Variants in GATA4 observed in about 807,000 individuals in gnomAD.
GATA4 encodes transcription factor GATA-4.
A neutral mutation model predicts 37.9 loss-of-function variants in GATA4; 7 were observed. The observed-to-expected ratio is 0.18, with a 90% confidence interval of 0.11 to 0.35. The LOEUF (loss-of-function observed/expected upper bound fraction) is 0.35. Ranked by LOEUF, GATA4 falls within the 10% of genes least tolerant of loss-of-function variation. The pLI, the probability that GATA4 is intolerant of heterozygous loss-of-function variation, is 1.00. For missense variants in GATA4, 647 were observed against 653.0 expected (o/e 0.99, Z 0.10); for synonymous variants, 372 against 292.6 (o/e 1.27, Z -2.77).
chr8:11,741,114 G>T (rs934102227), intron 2 of GATA4, among the ~76,000 whole-genome samples: 1 of 152,200 alleles, frequency 6.6e-6, no homozygotes, highest in African/African-American at 2.4e-5. Context: ...CTGGGAGTCT[G>T]CATGTTTAGT....
chr8:11,757,161 G>A, intron 6 of GATA4, 78 bp downstream of exon 6: 1 of 1,578,938 alleles, frequency 6.3e-7, no homozygotes, highest in Non-Finnish European at 8.6e-7. Flanking sequence ...CCTAGTACTG[G>A]GTGGGACTTG....
chr8:11,681,474 C>A (rs1798968871), intron 1 of GATA4: 2 of 956,546 alleles, frequency 2.1e-6, no homozygotes, highest in African/African-American at 4.3e-5. Flanking sequence ...CCGGTCCCCG[C>A]GCGGGGTGCG....
At chr8:11,734,567 A>T (rs921624080) in intron 2 of GATA4, among the ~76,000 whole-genome samples, 2 of 151,902 alleles carry the variant, frequency 1.3e-5, no homozygotes, top group African/African-American at 2.4e-5. Context: ...GCTCACTGCA[A>T]CCTCCGCCTC....
At chr8:11,716,477 A>G (rs1385076465) in intron 2 of GATA4, among the ~76,000 whole-genome samples, 1 of 152,232 alleles carries the variant, frequency 6.6e-6, no homozygotes, top group African/African-American at 2.4e-5. Flanking sequence ...AAGGCAGATC[A>G]AAACCATCCT....
At chr8:11,704,088 C>G (rs1474745788), upstream of GATA4, 1 of 152,390 alleles carries the variant, frequency 6.6e-6, no homozygotes, top group Non-Finnish European at 1.5e-5. Context: ...AGCCTGCGCC[C>G]AGCGGAGGTG....
chr8:11,744,037 G>C (rs1360708711), intron 2 of GATA4, among the ~76,000 whole-genome samples: 2 of 152,220 alleles, frequency 1.3e-5, no homozygotes. Flanking sequence ...CTGAGTACAA[G>C]TGAACGCGGT....
intron 1 of GATA4, among the ~76,000 whole-genome samples, chr8:11,679,184 G>GGA (rs1377945336): frequency 6.7e-6 from 1 of 148,178 alleles, no homozygotes; most frequent in Non-Finnish European, 1.5e-5. Flanking sequence ...AATTGCGGGG[G>GGA]GGGGCACTTT....
chr8:11,681,521 C>T, intron 1 of GATA4: 1 of 926,636 alleles, frequency 1.1e-6, no homozygotes, highest in Non-Finnish European at 1.3e-6. Flanking sequence ...GGGGTCGGTC[C>T]CTCTCGGGAA....
chr8:11,724,436 C>G (rs1458191144), intron 2 of GATA4, among the ~76,000 whole-genome samples: 1 of 152,204 alleles, frequency 6.6e-6, no homozygotes, highest in East Asian at 1.9e-4. Flanking sequence ...GGCATCTTTA[C>G]ATCTGTCAGT....
intron 2 of GATA4, among the ~76,000 whole-genome samples, chr8:11,747,361 T>G (rs138229122): frequency 8.5e-5 from 13 of 152,104 alleles, no homozygotes; most frequent in Non-Finnish European, 1.3e-4. Context: ...TCTGTAGACA[T>G]GGATGATAAA....
At chr8:11,713,688 A>T (rs1001163688) in intron 2 of GATA4, among the ~76,000 whole-genome samples, 3 of 152,144 alleles carry the variant, frequency 2.0e-5, no homozygotes, top group African/African-American at 7.2e-5. Context: ...TGTGTTAGTG[A>T]AGGTGAGCAG....
chr8:11,757,647 C>T (rs2130351743), intron 6 of GATA4, among the ~76,000 whole-genome samples: 1 of 152,292 alleles, frequency 6.6e-6, no homozygotes, highest in East Asian at 1.9e-4. Context: ...GTGGGGAGGT[C>T]ACAGGCAGGA....
At position 11,706,282 on chromosome 8, in the gene GATA4, T is replaced by A. The variant is rs149060255; in HGVS notation, c.-457-1574T>A. Among the ~76,000 whole-genome samples the A allele has an allele frequency of 5.4e-3, 815 of 152,326 alleles. 13 individuals are homozygous for A. The highest frequency in any genetic ancestry group is 0.018 in the African/African-American group (763 of 41,574). The stretch of plus-strand genomic sequence containing the variant: ...AAATGGTGAAAAGCATTATGTAGTG[T>A]GTATTAAAGATTCCATTTCCAGATT... On this transcript the variant is annotated intron_variant, in intron 1 of 6. Transcript: ENST00000532059.
intron 2 of GATA4, among the ~76,000 whole-genome samples, chr8:11,713,846 A>G (rs1014971061): frequency 6.6e-6 from 1 of 152,162 alleles, no homozygotes; most frequent in Non-Finnish European, 1.5e-5. Context: ...CAGGGCTAGG[A>G]TAGGATCTGC....
rs59033070 is a variant in GATA4 at position 11,686,216 on chromosome 8, G to GTT, written c.-274+9165_-274+9166dup. On this transcript the variant is annotated intron_variant, in intron 1 of 6. Transcript: ENST00000528712. ...CTTCAAAAGATCTTGTACTGGGTCTGTTTTTTTTTTTTTAATCTTAATGTA... is the reference window on the plus strand; with the variant it reads ...CTTCAAAAGATCTTGTACTGGGTCTGTTTTTTTTTTTTTTTAATCTTAATGTA... 9.2e-3 allele frequency among the ~76,000 whole-genome samples: 1,330 copies of GTT among 144,852 alleles called. 21 individuals carry two copies. The highest frequency in any genetic ancestry group is 0.032 in the African/African-American group (1,272 of 39,436).
At chr8:11,682,930 C>A in intron 1 of GATA4, 1 of 335,598 alleles carries the variant, frequency 3.0e-6, no homozygotes, top group Non-Finnish European at 4.2e-6. Context: ...CTAGTTTCCA[C>A]ACCGGGGACC....
intron 1 of GATA4, among the ~76,000 whole-genome samples, 170 bp downstream of exon 1, chr8:11,704,474 T>G (rs35813172): frequency 0.22 from 33,967 of 152,240 alleles, 6,739 homozygotes; most frequent in African/African-American, 0.53. Flanking sequence ...TGACTTTGCC[T>G]TAGCAACTTC....
At chr8:11,745,753 G>A (rs1410540072) in intron 2 of GATA4, among the ~76,000 whole-genome samples, 1 of 152,162 alleles carries the variant, frequency 6.6e-6, no homozygotes, top group African/African-American at 2.4e-5. Flanking sequence ...TAGGAGAGAG[G>A]CCAGTTTGCT....
chr8:11,727,872 A>C (rs1357390058), intron 2 of GATA4, among the ~76,000 whole-genome samples: 1 of 152,038 alleles, frequency 6.6e-6, no homozygotes, highest in Non-Finnish European at 1.5e-5. Context: ...GTATAATGTC[A>C]CCCAGTTTTC....
Sources: gnomAD v4.1 joint callset for allele counts (sites outside exome capture counted in the v4.1 genomes callset) on GRCh38, gnomAD v4.1.1 for gene constraint, MANE v1.5 for transcripts, NCBI Gene and HGNC (gene_info 2026-07-23, HGNC 2026-07-21) for gene names.